Variants in TMTC2 observed in about 807,000 individuals in gnomAD.
TMTC2 encodes the protein transmembrane O-mannosyltransferase targeting cadherins 2, also known as protein O-mannosyl-transferase TMTC2.
In TMTC2, 43 loss-of-function variants were observed where a neutral mutation model predicts 82.4. The observed-to-expected ratio is 0.52, with a 90% CI of 0.41 to 0.67. The LOEUF is 0.67. Among genes scored for constraint, TMTC2 ranks in the 30% least tolerant of loss-of-function variants. The pLI, the probability that TMTC2 is intolerant of heterozygous loss-of-function variation, is 0.00. For missense variants in TMTC2, 919 were observed against 1,012.4 expected, an observed-to-expected ratio of 0.91 and a Z score of 1.25; for synonymous variants, 408 against 381.9, an observed-to-expected ratio of 1.07 and a Z score of -0.80.
At chr12:82,738,151 T>G (rs1159854450) in intron 1 of TMTC2, among the ~76,000 whole-genome samples, 1 of 152,214 alleles carries the variant, frequency 6.6e-6, no homozygotes, top group Non-Finnish European at 1.5e-5. Flanking sequence ...AGGTAATTTT[T>G]TTATTCTGTT....
intron 11 of TMTC2, among the ~76,000 whole-genome samples, chr12:83,127,333 T>A (rs1218143100): frequency 2.0e-5 from 3 of 152,148 alleles, no homozygotes; most frequent in Non-Finnish European, 4.4e-5. Context: ...ATAAATTTAT[T>A]TAAACAATTA....
chr12:82,739,798 G>T (rs1875307354), intron 1 of TMTC2, among the ~76,000 whole-genome samples: 1 of 147,936 alleles, frequency 6.8e-6, no homozygotes, highest in Admixed American at 6.9e-5. Context: ...TACTAGATAG[G>T]AACCCAGGAA....
rs200518469 is a variant in TMTC2 at position 82,811,150 on chromosome 12, C to T, written c.84-45860C>T. ...CTGAGGCAGGAGAATCACTTGAACC[C>T]GGGAGGCAGAGGTTGCAGTGAGCCG... On this transcript the variant is annotated intron_variant, in intron 1 of 11. Coordinates refer to ENST00000321196, the MANE Select transcript of TMTC2 (RefSeq NM_152588.3). Among the ~76,000 whole-genome samples the T allele has an allele frequency of 1.1e-4, 16 of 152,094 alleles. No homozygotes were observed. The East Asian group carries it at 1.9e-3, about 18-fold the overall frequency.
intron 8 of TMTC2, among the ~76,000 whole-genome samples, chr12:83,001,955 T>C (rs1879946530): frequency 6.6e-6 from 1 of 152,194 alleles, no homozygotes; most frequent in African/African-American, 2.4e-5. Flanking sequence ...TTTTGTTGTG[T>C]CTCTGCCTGC....
chr12:82,806,066 G>A (rs1249792238), intron 1 of TMTC2, among the ~76,000 whole-genome samples: 1 of 152,078 alleles, frequency 6.6e-6, no homozygotes, highest in African/African-American at 2.4e-5. Flanking sequence ...GACAGTGTGG[G>A]ATATGAACAA....
intron 1 of TMTC2, among the ~76,000 whole-genome samples, chr12:82,817,648 T>C (rs1868827366): frequency 6.6e-6 from 1 of 152,194 alleles, no homozygotes; most frequent in Non-Finnish European, 1.5e-5. Context: ...TCTTTAGTCA[T>C]TAAACTTTGT....
intron 1 of TMTC2, among the ~76,000 whole-genome samples, chr12:82,812,605 A>T (rs1473145891): frequency 1.3e-5 from 2 of 152,094 alleles, no homozygotes; most frequent in African/African-American, 4.8e-5. Flanking sequence ...TAATAAAGAC[A>T]GTTAAGATAG....
intron 10 of TMTC2, among the ~76,000 whole-genome samples, chr12:83,061,015 G>A (rs968457781): frequency 2.0e-5 from 3 of 151,750 alleles, no homozygotes; most frequent in Non-Finnish European, 4.4e-5. Context: ...GGCTTAAATC[G>A]GCAGGAAACA....
chr12:83,122,269 G>T (rs1043071007), intron 11 of TMTC2, among the ~76,000 whole-genome samples: 1 of 151,352 alleles, frequency 6.6e-6, no homozygotes, highest in African/African-American at 2.4e-5. Context: ...AGCAAGTGTC[G>T]CTTTCCTTCT....
chr12:82,793,216 T>C (rs1878551152), intron 1 of TMTC2, among the ~76,000 whole-genome samples: 1 of 152,154 alleles, frequency 6.6e-6, no homozygotes, highest in Non-Finnish European at 1.5e-5. Context: ...TTTCCTTTTT[T>C]AGTACCTTTT....
At chr12:83,001,635 CAAAA>C (rs34467744) in intron 8 of TMTC2, among the ~76,000 whole-genome samples, 3 of 93,144 alleles carry the variant, frequency 3.2e-5, no homozygotes, top group Non-Finnish European at 2.2e-5. Context: ...AACTCTGTCT[CAAAA>C]AAAAAAAAAA....
chr12:82,687,748 T>C (rs1872394456), intron 1 of TMTC2, 79 bp downstream of exon 1: 6 of 1,373,740 alleles, frequency 4.4e-6, no homozygotes, highest in Non-Finnish European at 5.1e-6. Context: ...TCTTTAAGGC[T>C]CAAAGTGCGT....
intron 4 of TMTC2, among the ~76,000 whole-genome samples, chr12:82,936,729 C>T (rs1876337856): frequency 6.6e-6 from 1 of 152,072 alleles, no homozygotes; most frequent in African/African-American, 2.4e-5. Flanking sequence ...ATAAATAATT[C>T]TATATCATAA....
At chr12:83,068,879 T>A (rs1883011842) in intron 11 of TMTC2, among the ~76,000 whole-genome samples, 1 of 152,030 alleles carries the variant, frequency 6.6e-6, no homozygotes. Context: ...TCCCCACAAG[T>A]TCCCAAGGTC....
intron 3 of TMTC2, 43 bp from the exon 4 acceptor site, chr12:82,930,388 T>C (rs772143384): frequency 2.5e-6 from 3 of 1,183,182 alleles, no homozygotes; most frequent in Non-Finnish European, 3.7e-6. Flanking sequence ...CATGTATAAT[T>C]GGATTGATGC....
intron 1 of TMTC2, among the ~76,000 whole-genome samples, chr12:82,851,982 T>C (rs1028820296): frequency 6.6e-6 from 1 of 151,216 alleles, no homozygotes; most frequent in African/African-American, 2.4e-5. Context: ...AGTTTTACAA[T>C]AGTGTTGGCC....
intron 4 of TMTC2, among the ~76,000 whole-genome samples, chr12:82,943,894 G>A (rs1433230910): frequency 6.6e-6 from 1 of 152,144 alleles, no homozygotes; most frequent in Non-Finnish European, 1.5e-5. Context: ...AAAATAGAAT[G>A]TTATGTAATA....
rs111236151 is a variant in TMTC2, at chr12:82,756,226, A to G, written c.83+68557A>G. Among the ~76,000 whole-genome samples, 18 of 152,288 alleles carry G rather than the reference A, an allele frequency of 1.2e-4. 1 individual carries two copies. The highest frequency in any genetic ancestry group is 4.3e-4 in the African/African-American group (18 of 41,578). On this transcript the variant is annotated intron_variant, in intron 1 of 11. Coordinates refer to ENST00000321196, the MANE Select transcript of TMTC2 (RefSeq NM_152588.3). ...CTTTATTTACTAAAAAGCTTGTAAA[A>G]TTATTTTAAAAAATCCTTGTCTCAC... is the stretch of plus-strand genomic sequence containing the variant.
chr12:82,708,764 C>G (rs1044841271), intron 1 of TMTC2, among the ~76,000 whole-genome samples: 3 of 152,218 alleles, frequency 2.0e-5, no homozygotes, highest in African/African-American at 7.2e-5. Flanking sequence ...GCAGTTGTTT[C>G]CCAGCTGTCT....
Sources: allele counts gnomAD v4.1 joint callset (sites outside exome capture counted in the v4.1 genomes callset), GRCh38; gene constraint gnomAD v4.1.1; transcripts MANE v1.5; gene names NCBI Gene and HGNC (gene_info 2026-07-23, HGNC 2026-07-21).